Variants in ATF6 observed in about 807,000 individuals in gnomAD.
ATF6 encodes cyclic AMP-dependent transcription factor ATF-6 alpha.
A neutral mutation model predicts 83.6 loss-of-function variants in ATF6; 53 were observed. The ratio of observed to expected loss-of-function variants is 0.63; its 90% CI spans 0.51 to 0.80. ATF6 has a LOEUF of 0.80. Among genes scored for constraint, ATF6 ranks in the 30% least tolerant of loss-of-function variants. ATF6 has a pLI of 0.00. For synonymous variants in ATF6, 288 were observed against 285.8 expected, an observed-to-expected ratio of 1.01 and a Z score of -0.08; for missense variants, 744 against 797.9, an observed-to-expected ratio of 0.93 and a Z score of 0.81.
intron 15 of ATF6, among the ~76,000 whole-genome samples, chr1:161,940,930 T>C (rs4233381): frequency 0.93 from 142,189 of 152,244 alleles, 66,553 homozygotes; most frequent in East Asian, 1. Flanking sequence ...ATTCTTGTTG[T>C]ACCATATGCA....
At chr1:161,872,963 A>G (rs533337516) in intron 14 of ATF6, among the ~76,000 whole-genome samples, 10 of 151,662 alleles carry the variant, frequency 6.6e-5, no homozygotes, top group African/African-American at 2.4e-4. Flanking sequence ...TTATATACAT[A>G]TAAGAATAGA....
intron 14 of ATF6, among the ~76,000 whole-genome samples, chr1:161,910,021 T>C (rs985930614): frequency 2.6e-5 from 4 of 152,280 alleles, no homozygotes; most frequent in South Asian, 4.1e-4. Context: ...CCTTTGTTTC[T>C]GAAAATGTGA....
chr1:161,780,363 T>TTTTTTA (rs758170576), intron 2 of ATF6, among the ~76,000 whole-genome samples: 37 of 152,018 alleles, frequency 2.4e-4, no homozygotes, highest in African/African-American at 8.0e-4. Context: ...TGAGGTGTAT[T>TTTTTTA]TTTTTATTTT....
chr1:161,795,805 T>C (rs980333283), intron 6 of ATF6, among the ~76,000 whole-genome samples: 15 of 152,212 alleles, frequency 9.9e-5, no homozygotes, highest in African/African-American at 3.4e-4. Flanking sequence ...CTTTGCATTG[T>C]AGTTTGTGGC....
intron 14 of ATF6, among the ~76,000 whole-genome samples, chr1:161,864,351 T>G (rs1365996930): frequency 6.6e-6 from 1 of 152,212 alleles, no homozygotes; most frequent in East Asian, 1.9e-4. Context: ...CAGAGCTAAC[T>G]GTGGGACTTG....
At chr1:161,895,524 C>T (rs79023385) in intron 14 of ATF6, among the ~76,000 whole-genome samples, 1,985 of 152,250 alleles carry the variant, frequency 0.013, 48 homozygotes, top group African/African-American at 0.044. Flanking sequence ...TACATCCATT[C>T]CCCCAAATAT....
intron 6 of ATF6, among the ~76,000 whole-genome samples, chr1:161,796,754 A>G (rs1234827934): frequency 1.3e-5 from 2 of 152,176 alleles, no homozygotes; most frequent in African/African-American, 2.4e-5. Flanking sequence ...GAGAGCCCTT[A>G]TATTCAGGAG....
intron 15 of ATF6, among the ~76,000 whole-genome samples, chr1:161,932,069 G>A (rs560068939): frequency 2.0e-4 from 30 of 152,234 alleles, no homozygotes; most frequent in African/African-American, 6.5e-4. Flanking sequence ...GCATTGTGCT[G>A]AGTGCTTTGC....
chr1:161,957,749 G>T (rs887308023), intron 15 of ATF6, among the ~76,000 whole-genome samples: 1 of 152,128 alleles, frequency 6.6e-6, no homozygotes, highest in African/African-American at 2.4e-5. Context: ...TTAATTCCAT[G>T]TTGGAATTGT....
chr1:161,907,725 T>TA (rs1687903780), intron 14 of ATF6, among the ~76,000 whole-genome samples: 1 of 152,192 alleles, frequency 6.6e-6, no homozygotes, highest in Admixed American at 6.5e-5. Context: ...TTTAAAAAGA[T>TA]ATGTATCTTT....
At chr1:161,797,544 A>G (rs1377401767) in intron 6 of ATF6, among the ~76,000 whole-genome samples, 1 of 152,192 alleles carries the variant, frequency 6.6e-6, no homozygotes, top group Non-Finnish European at 1.5e-5. Context: ...CTGAGAGCCA[A>G]ATCAAGAATG....
intron 14 of ATF6, among the ~76,000 whole-genome samples, chr1:161,865,763 CAAAT>C (rs905320124): frequency 2.0e-5 from 3 of 152,214 alleles, no homozygotes; most frequent in East Asian, 1.9e-4. Flanking sequence ...AGAGTAAAGA[CAAAT>C]GAACTGAATT....
At chr1:161,935,735 T>A (rs1331850386) in intron 15 of ATF6, among the ~76,000 whole-genome samples, 1 of 152,244 alleles carries the variant, frequency 6.6e-6, no homozygotes, top group Non-Finnish European at 1.5e-5. Flanking sequence ...CATATGAGAC[T>A]GTAGGAAAGA....
intron 9 of ATF6, among the ~76,000 whole-genome samples, chr1:161,830,892 C>T (rs1046700823): frequency 1.5e-4 from 22 of 148,448 alleles, no homozygotes; most frequent in African/African-American, 2.8e-4. Context: ...GCAAGGGCAA[C>T]GACTTCATGT....
At chr1:161,828,532 C>T (rs1685961814) in intron 9 of ATF6, among the ~76,000 whole-genome samples, 1 of 152,110 alleles carries the variant, frequency 6.6e-6, no homozygotes, top group Non-Finnish European at 1.5e-5. Context: ...TTTTCCTCTA[C>T]CCAAATAAAG....
chr1:161,882,131 C>T (rs1439782558), intron 14 of ATF6, among the ~76,000 whole-genome samples: 1 of 152,128 alleles, frequency 6.6e-6, no homozygotes, highest in Non-Finnish European at 1.5e-5. Context: ...TTAGGTTGCA[C>T]ATTTTGCTGG....
At chr1:161,873,029 C>T (rs1333706224) in intron 14 of ATF6, among the ~76,000 whole-genome samples, 1 of 151,384 alleles carries the variant, frequency 6.6e-6, no homozygotes, top group Non-Finnish European at 1.5e-5. Context: ...GTCATTGTTC[C>T]TCCTCTGTAT....
intron 14 of ATF6, among the ~76,000 whole-genome samples, chr1:161,908,202 A>G (rs1687916012): frequency 6.6e-6 from 1 of 152,208 alleles, no homozygotes; most frequent in Non-Finnish European, 1.5e-5. Flanking sequence ...TGTACTCTAC[A>G]TAGATACGTA....
At chr1:161,954,254 C>G (rs1688924381) in intron 15 of ATF6, among the ~76,000 whole-genome samples, 1 of 152,120 alleles carries the variant, frequency 6.6e-6, no homozygotes. Flanking sequence ...GTTCCCGCCT[C>G]CCTTGTTTTT....
Sources: gnomAD v4.1 joint callset for allele counts (sites outside exome capture counted in the v4.1 genomes callset) on GRCh38, gnomAD v4.1.1 for gene constraint, MANE v1.5 for transcripts, NCBI Gene and HGNC (gene_info 2026-07-23, HGNC 2026-07-21) for gene names.